NELL1: variants seen among roughly 807,000 people sequenced by gnomAD.
NELL1 encodes protein kinase C-binding protein NELL1.
A neutral mutation model predicts 107.4 loss-of-function variants in NELL1; 76 were observed. The ratio of observed to expected loss-of-function variants is 0.71; its 90% CI spans 0.59 to 0.86. The LOEUF is 0.86. Ranked by LOEUF, NELL1 falls within the 40% of genes least tolerant of loss-of-function variation. NELL1 has a pLI of 0.00. For synonymous variants in NELL1, 353 were observed against 341.2 expected (o/e 1.03, Z -0.38); for missense variants, 1,024 against 1,005.5 (o/e 1.02, Z -0.25).
intron 3 of NELL1, among the ~76,000 whole-genome samples, chr11:20,828,422 G>A (rs1483780802): frequency 2.6e-5 from 4 of 152,162 alleles, no homozygotes; most frequent in Non-Finnish European, 4.4e-5. Flanking sequence ...AAACCCAGAA[G>A]AGAGTTAATA....
At chr11:20,929,738 G>A (rs781768425) in intron 9 of NELL1, among the ~76,000 whole-genome samples, 2 of 152,082 alleles carry the variant, frequency 1.3e-5, no homozygotes, top group Non-Finnish European at 2.9e-5. Context: ...TTGGGAGGCC[G>A]AGGCCGTCGG....
intron 12 of NELL1, among the ~76,000 whole-genome samples, chr11:21,109,663 T>C (rs1394807843): frequency 6.6e-6 from 1 of 152,160 alleles, no homozygotes; most frequent in African/African-American, 2.4e-5. Context: ...TAGGGAGTTA[T>C]GATTTTTGTT....
intron 11 of NELL1, among the ~76,000 whole-genome samples, chr11:20,956,143 C>T (rs571054045): frequency 1.7e-4 from 26 of 152,160 alleles, no homozygotes; most frequent in Non-Finnish European, 2.4e-4. Context: ...CGCTTGAACC[C>T]GGGAGGTGGG....
intron 14 of NELL1, among the ~76,000 whole-genome samples, chr11:21,254,745 A>G (rs1029372901): frequency 6.6e-6 from 1 of 151,998 alleles, no homozygotes; most frequent in African/African-American, 2.4e-5. Flanking sequence ...TGAGCTTTCT[A>G]TTTGCTATTA....
intron 12 of NELL1, among the ~76,000 whole-genome samples, chr11:20,973,067 T>C (rs1356660260): frequency 6.6e-6 from 1 of 152,030 alleles, no homozygotes; most frequent in African/African-American, 2.4e-5. Context: ...TTGTCAAACC[T>C]TATTAGAGTG....
chr11:21,008,368 T>C (rs934047847), intron 12 of NELL1, among the ~76,000 whole-genome samples: 7 of 152,180 alleles, frequency 4.6e-5, no homozygotes, highest in Non-Finnish European at 1.0e-4. Flanking sequence ...TATTTATTTA[T>C]TGACTAAAAT....
chr11:20,994,575 C>A (rs1031100479), intron 12 of NELL1, among the ~76,000 whole-genome samples: 14 of 151,954 alleles, frequency 9.2e-5, no homozygotes. Context: ...AATGTAAAAC[C>A]AAGGAGTGGA....
Position 20,733,740 on chromosome 11 carries a change from A to C in NELL1, c.185-49940A>C, listed in dbSNP as rs1022545642. 3.3e-5 allele frequency among the ~76,000 whole-genome samples: 5 copies of C among 152,198 alleles called. No homozygotes were observed. In the East Asian group the frequency reaches 9.6e-4, roughly 29 times the overall value. On this transcript the variant is annotated intron_variant, in intron 2 of 19. Coordinates refer to ENST00000357134, the MANE Select transcript of NELL1 (RefSeq NM_006157.5). ...CAAACACATGAACAAATAAATTACA[A>C]GATAATGTTGAATAGAGACAAAGGC...
chr11:21,158,111 C>G (rs960249348), intron 13 of NELL1, among the ~76,000 whole-genome samples: 2 of 152,104 alleles, frequency 1.3e-5, no homozygotes, highest in African/African-American at 4.8e-5. Flanking sequence ...CCAACTTTCT[C>G]CCACACTAGA....
chr11:20,749,223 G>A (rs1370603420), intron 2 of NELL1, among the ~76,000 whole-genome samples: 1 of 152,034 alleles, frequency 6.6e-6, no homozygotes, highest in Non-Finnish European at 1.5e-5. Context: ...TGAACAGCTG[G>A]GACTATGGCG....
At chr11:21,214,668 C>G (rs375128729) in intron 13 of NELL1, among the ~76,000 whole-genome samples, 48 of 151,926 alleles carry the variant, frequency 3.2e-4, no homozygotes, top group African/African-American at 1.1e-3. Flanking sequence ...ACCAGATGAC[C>G]CTGCAATCAC....
At chr11:21,334,488 C>A (rs1850341538) in intron 14 of NELL1, among the ~76,000 whole-genome samples, 1 of 151,788 alleles carries the variant, frequency 6.6e-6, no homozygotes, top group Non-Finnish European at 1.5e-5. Flanking sequence ...TAAGATAATA[C>A]CCCCACCTAA....
intron 4 of NELL1, among the ~76,000 whole-genome samples, chr11:20,863,228 G>GC (rs1163316346): frequency 1.3e-5 from 2 of 149,360 alleles, no homozygotes; most frequent in Non-Finnish European, 3.0e-5. Context: ...GGGCAGAGGC[G>GC]CCCCCCACCT....
intron 2 of NELL1, among the ~76,000 whole-genome samples, chr11:20,706,896 C>T (rs1181366537): frequency 6.6e-6 from 1 of 152,070 alleles, no homozygotes; most frequent in African/African-American, 2.4e-5. Flanking sequence ...GTGGCGTTCT[C>T]TGTATTTCCT....
rs185048119 is a variant in NELL1, at chr11:21,199,872, C to T, written c.1427-29460C>T. Among the ~76,000 whole-genome samples, 301 of 151,748 alleles carry T rather than the reference C, an allele frequency of 2.0e-3. 1 individual carries two copies. Among genetic ancestry groups the T allele is most frequent in the African/African-American group, 6.8e-3 (280 of 41,320 alleles). Reference sequence around the variant, plus strand: ...CCATGTGTTCTCATTGTTCAACTCCCGCTTATGAGTGAGAACATGCGGTGT... The same window carrying T: ...CCATGTGTTCTCATTGTTCAACTCCTGCTTATGAGTGAGAACATGCGGTGT... On this transcript the variant is annotated intron_variant, in intron 13 of 19. Coordinates refer to ENST00000357134, the MANE Select transcript of NELL1 (RefSeq NM_006157.5).
intron 3 of NELL1, among the ~76,000 whole-genome samples, chr11:20,799,343 G>A (rs1044117696): frequency 1.3e-5 from 2 of 152,166 alleles, no homozygotes; most frequent in Non-Finnish European, 2.9e-5. Context: ...ATGACAAAGT[G>A]TGATATTTAT....
chr11:21,289,626 A>G (rs1184686756), intron 14 of NELL1, among the ~76,000 whole-genome samples: 1 of 152,028 alleles, frequency 6.6e-6, no homozygotes, highest in East Asian at 1.9e-4. Flanking sequence ...GTTTTTTTTC[A>G]TACTCCAGTG....
intron 14 of NELL1, among the ~76,000 whole-genome samples, chr11:21,278,171 C>T (rs983174750): frequency 6.6e-6 from 1 of 152,066 alleles, no homozygotes; most frequent in Admixed American, 6.6e-5. Flanking sequence ...ATACAAAAAC[C>T]CTACAGCAAT....
intron 14 of NELL1, among the ~76,000 whole-genome samples, chr11:21,285,358 G>A (rs374408137): frequency 6.6e-6 from 1 of 152,174 alleles, no homozygotes; most frequent in African/African-American, 2.4e-5. Flanking sequence ...AAACCAGCCT[G>A]CAGAGAAGCC....
Sources: allele counts gnomAD v4.1 joint callset (sites outside exome capture counted in the v4.1 genomes callset), GRCh38; gene constraint gnomAD v4.1.1; transcripts MANE v1.5; gene names NCBI Gene and HGNC (gene_info 2026-07-23, HGNC 2026-07-21).